FASTKD1: variants seen among roughly 807,000 people sequenced by gnomAD.
FASTKD1 encodes the protein FAST kinase domain-containing protein 1, mitochondrial.
FASTKD1 carries 94 observed loss-of-function variants against 90.9 expected under a neutral mutation model. That is an observed-to-expected ratio of 1.03 (90% CI 0.88 to 1.23). The LOEUF (loss-of-function observed/expected upper bound fraction) is 1.23. Ranked by LOEUF, FASTKD1 falls within the 50% of genes most tolerant of loss-of-function variation. The pLI is 0.00. For synonymous variants in FASTKD1, 319 were observed against 345.8 expected, an observed-to-expected ratio of 0.92 and a Z score of 0.86; for missense variants, 945 against 993.5, an observed-to-expected ratio of 0.95 and a Z score of 0.66.
In FASTKD1 at chr2:169,546,360, A is replaced by G. The variant is rs376308904; in HGVS notation, c.1559T>C (p.Met520Thr). ...CATGAAATGCTGTAAAGTAGCAATC[A>G]TTTCTTCAAGAAGTGACTCAGGAAA... ...NTFPESLLEE[M>T]IATLQHFMDD... The change falls in exon 8 of 15, where the codon ATG (methionine) becomes ACG (threonine). Residue 520 changes from methionine to threonine, a missense_variant. Physicochemically the swap from Met to Thr is moderately conservative, Grantham distance 81. Coordinates refer to ENST00000453153, the MANE Select transcript of FASTKD1 (RefSeq NM_024622.6). 7 of 1,614,156 alleles carry G rather than the reference A, an allele frequency of 4.3e-6. No homozygotes were observed. The East Asian group carries it at 6.7e-5, about 15-fold the overall frequency.
intron 12 of FASTKD1, among the ~76,000 whole-genome samples, chr2:169,534,754 C>G (rs927887391): frequency 1.3e-5 from 2 of 151,982 alleles, no homozygotes; most frequent in Non-Finnish European, 2.9e-5. Context: ...CCACTGCGCC[C>G]GGCCAAATTT....
chr2:169,532,717 G>C (rs1684546166), intron 12 of FASTKD1, among the ~76,000 whole-genome samples: 1 of 151,818 alleles, frequency 6.6e-6, no homozygotes, highest in Non-Finnish European at 1.5e-5. Context: ...AAGTAGGAAA[G>C]GAAAAGTTGA....
intron 3 of FASTKD1, 97 bp from the exon 4 acceptor site, chr2:169,563,447 A>G: frequency 1.2e-6 from 1 of 864,200 alleles, no homozygotes; most frequent in Non-Finnish European, 1.6e-6. Flanking sequence ...AAAATAGTAA[A>G]TTACATAAAA....
intron 12 of FASTKD1, among the ~76,000 whole-genome samples, chr2:169,534,631 G>C (rs1684651073): frequency 6.6e-6 from 1 of 151,452 alleles, no homozygotes; most frequent in African/African-American, 2.4e-5. Context: ...AGCTAATTTT[G>C]TATATTTAGT....
intron 12 of FASTKD1, among the ~76,000 whole-genome samples, chr2:169,531,966 TG>T (rs1684510906): frequency 6.6e-6 from 1 of 152,230 alleles, no homozygotes; most frequent in Non-Finnish European, 1.5e-5. Flanking sequence ...GCATGATAGA[TG>T]TAGAATATCG....
At chr2:169,549,219 AC>A (rs1193941766) in intron 7 of FASTKD1, among the ~76,000 whole-genome samples, 1 of 151,764 alleles carries the variant, frequency 6.6e-6, no homozygotes, top group Non-Finnish European at 1.5e-5. Flanking sequence ...ACATGGAAAA[AC>A]CCCGTCTCTA....
chr2:169,537,384 CTTT>C, intron 11 of FASTKD1, 44 bp from the exon 12 acceptor site: 6 of 1,021,286 alleles, frequency 5.9e-6, no homozygotes, highest in South Asian at 1.8e-5. Context: ...TCTTTTTTTT[CTTT>C]TTTTTTTTCC....
chr2:169,572,530 T>C (rs1684279251), intron 1 of FASTKD1, among the ~76,000 whole-genome samples: 1 of 147,344 alleles, frequency 6.8e-6, no homozygotes, highest in South Asian at 2.2e-4. Context: ...GCCATATATA[T>C]TTATACATAC....
rs561264808 is a variant in FASTKD1 at position 169,535,150 on chromosome 2, T to C, written c.2188+2077A>G. Among the ~76,000 whole-genome samples, 50 of 152,070 alleles carry C rather than the reference T, an allele frequency of 3.3e-4. No individual in the cohort carries two copies. The South Asian group carries it at 5.6e-3, about 17-fold the overall frequency. ...CTAGGATTACAGGCTTGCACTACCA[T>C]GCCCAGCTTCAATGTTTGTTTTTTG... On this transcript the variant is annotated intron_variant, in intron 12 of 14. Transcript: ENST00000453153.
At position 169,529,901 on chromosome 2, in the gene FASTKD1, A is replaced by G. The variant is rs776663784; in HGVS notation, c.2468T>C (p.Met823Thr). Reference sequence around the variant, plus strand: ...CCGAGCATCCTTTGTTGACAGTGCCATAGAGTTCCATTCAAACTGGGAAAT... The same window carrying G: ...CCGAGCATCCTTTGTTGACAGTGCCGTAGAGTTCCATTCAAACTGGGAAAT... Reference protein sequence around the residue: ...IQISQFEWNSMALSTKDARMD... With the variant: ...IQISQFEWNSTALSTKDARMD... Residue 823 changes from methionine to threonine, a missense_variant, in exon 15 of 15, where the codon ATG (methionine) becomes ACG (threonine). Physicochemically the swap from Met to Thr is moderately conservative, Grantham distance 81. Transcript: ENST00000453153. 6.2e-7 allele frequency: 1 copy of G among 1,612,156 alleles called. No homozygotes were observed. The highest frequency in any genetic ancestry group is 8.5e-7 in the Non-Finnish European group (1 of 1,179,176).
At chr2:169,567,127 A>C (rs1055288287) in intron 3 of FASTKD1, among the ~76,000 whole-genome samples, 3 of 152,124 alleles carry the variant, frequency 2.0e-5, no homozygotes, top group East Asian at 1.9e-4. Context: ...AAAAAAAAAA[A>C]CATAAGTTTA....
intron 1 of FASTKD1, chr2:169,573,055 A>T (rs1252433447): frequency 6.6e-6 from 1 of 152,210 alleles, no homozygotes; most frequent in Non-Finnish European, 1.5e-5. Flanking sequence ...AAAAAGGTTT[A>T]AAAAATCCTT....
Position 169,537,356 on chromosome 2 carries a change from A to G in FASTKD1, c.2075-16T>C. 1 of 1,470,114 alleles carries G rather than the reference A, an allele frequency of 6.8e-7. No individual in the cohort carries two copies. Among genetic ancestry groups the G allele is most frequent in the Non-Finnish European group, 9.4e-7 (1 of 1,064,296 alleles). 91.1% of individuals were successfully genotyped at this position (1,470,114 alleles called of 1,614,324 possible). A position where few individuals can be genotyped will look rare whatever the true frequency, so the allele number is the denominator to read the frequency against. On this transcript the variant is annotated splice_polypyrimidine_tract_variant and intron_variant, in intron 11 of 14. Transcript: ENST00000453153. ...CCACCAATACCTTTATAAAAAAATAAATAATTAGTCTACTTAATCTTTTTT... is the reference window on the plus strand; with the variant it reads ...CCACCAATACCTTTATAAAAAAATAGATAATTAGTCTACTTAATCTTTTTT...
intron 7 of FASTKD1, among the ~76,000 whole-genome samples, chr2:169,553,643 C>A (rs974849476): frequency 6.6e-6 from 1 of 152,038 alleles, no homozygotes; most frequent in South Asian, 2.1e-4. Context: ...TCAGGCCGGG[C>A]GCAGTGGCTC....
intron 7 of FASTKD1, among the ~76,000 whole-genome samples, chr2:169,547,884 C>CAAAAAAAAAAAAAAAAAAAAAAAAAA (rs1158292826): frequency 9.4e-5 from 2 of 21,348 alleles, no homozygotes; most frequent in African/African-American, 1.2e-4. Context: ...GACTCCATCT[C>CAAAAAAAAAAAAAAAAAAAAAAAAAA]AAAAAAAAAA....
chr2:169,544,605 G>A, intron 9 of FASTKD1, 116 bp downstream of exon 9: 1 of 662,528 alleles, frequency 1.5e-6, no homozygotes, highest in Non-Finnish European at 2.7e-6. Flanking sequence ...CCTTTTTTTA[G>A]GTAGATAATT....
At chr2:169,537,098 G>A (rs889022195) in intron 12 of FASTKD1, 129 bp downstream of exon 12, 19 of 541,594 alleles carry the variant, frequency 3.5e-5, no homozygotes, top group African/African-American at 3.5e-4. Flanking sequence ...ATCTCCGTTT[G>A]AAAATTTTAA....
intron 9 of FASTKD1, among the ~76,000 whole-genome samples, chr2:169,543,907 G>A (rs999367868): frequency 2.0e-5 from 3 of 152,078 alleles, no homozygotes; most frequent in Non-Finnish European, 4.4e-5. Context: ...AACACAATGA[G>A]TGAATACTGG....
At chr2:169,570,101 C>G (rs757249198) in intron 2 of FASTKD1, among the ~76,000 whole-genome samples, 2 of 152,108 alleles carry the variant, frequency 1.3e-5, no homozygotes, top group African/African-American at 2.4e-5. Context: ...ACAACTTACA[C>G]GTCTCTAACT....
Sources: gnomAD v4.1 joint callset for allele counts (sites outside exome capture counted in the v4.1 genomes callset) on GRCh38, gnomAD v4.1.1 for gene constraint, MANE v1.5 for transcripts, NCBI Gene and HGNC (gene_info 2026-07-23, HGNC 2026-07-21) for gene names.